Variants in WDR7 observed in about 807,000 individuals in gnomAD.
WDR7 encodes the protein WD repeat-containing protein 7.
Under a neutral mutation model 169.4 loss-of-function variants are expected in WDR7, and 46 were observed. That is an observed-to-expected ratio of 0.27 (90% CI 0.21 to 0.35). WDR7 has a LOEUF of 0.35. Ranked by LOEUF, WDR7 falls within the 10% of genes least tolerant of loss-of-function variation. The probability of loss-of-function intolerance (pLI) is 1.00; values close to 1 mark genes in which losing one functional copy is unlikely to be tolerated. For missense variants in WDR7, 1,534 were observed against 1,859.3 expected (o/e 0.83, Z 3.22); for synonymous variants, 612 against 666.8 (o/e 0.92, Z 1.27).
At chr18:56,944,005 T>TTC (rs1188886773) in intron 25 of WDR7, among the ~76,000 whole-genome samples, 1 of 134,332 alleles carries the variant, frequency 7.4e-6, no homozygotes, top group Non-Finnish European at 1.5e-5. Context: ...TTTTTTTTTT[T>TTC]TTGAGATGGA....
At chr18:56,762,872 T>C (rs1259991087) in intron 16 of WDR7, among the ~76,000 whole-genome samples, 1 of 150,670 alleles carries the variant, frequency 6.6e-6, no homozygotes. Context: ...ATATCTTTTG[T>C]CCAATTTTTC....
chr18:56,855,402 A>T (rs2045704632), intron 20 of WDR7, among the ~76,000 whole-genome samples: 2 of 152,134 alleles, frequency 1.3e-5, no homozygotes, highest in Admixed American at 6.5e-5. Flanking sequence ...TCTTTTGTGT[A>T]GTTGAATTTA....
chr18:56,895,425 C>T (rs1468736110), intron 21 of WDR7, among the ~76,000 whole-genome samples: 2 of 151,626 alleles, frequency 1.3e-5, no homozygotes, highest in East Asian at 1.9e-4. Flanking sequence ...TTCAACTTAC[C>T]CAATTACCAA....
chr18:56,790,665 G>A (rs1258889249), intron 19 of WDR7, among the ~76,000 whole-genome samples: 1 of 151,578 alleles, frequency 6.6e-6, no homozygotes, highest in Non-Finnish European at 1.5e-5. Flanking sequence ...GGGAAGTATG[G>A]TATTTTATAT....
At position 56,748,238 on chromosome 18, in the gene WDR7, G is replaced by T. The variant is rs1599012823; in HGVS notation, c.1990-8345G>T. Among the ~76,000 whole-genome samples the T allele has an allele frequency of 4.6e-5, 7 of 152,114 alleles. No individual in the cohort carries two copies. The South Asian group carries it at 1.0e-3, about 23-fold the overall frequency. On this transcript the variant is annotated intron_variant, in intron 14 of 27. Transcript: ENST00000254442. ...AGGTAGGCAGTCTTTTCTTTATTTG[G>T]AAGATAGAAGGATTGATACTAGGGA... is the stretch of plus-strand genomic sequence containing the variant.
At chr18:56,828,531 G>C (rs553505416) in intron 20 of WDR7, among the ~76,000 whole-genome samples, 1 of 151,904 alleles carries the variant, frequency 6.6e-6, no homozygotes, top group Non-Finnish European at 1.5e-5. Flanking sequence ...TAGACAAGAC[G>C]GATATGGTCC....
intron 20 of WDR7, among the ~76,000 whole-genome samples, chr18:56,874,942 C>CA (rs1226043124): frequency 6.6e-6 from 1 of 152,142 alleles, no homozygotes; most frequent in Non-Finnish European, 1.5e-5. Context: ...TTTTCCCTTA[C>CA]ATACGTTAAG....
At chr18:56,689,020 C>T (rs1944823126) in intron 7 of WDR7, among the ~76,000 whole-genome samples, 1 of 152,132 alleles carries the variant, frequency 6.6e-6, no homozygotes, top group Admixed American at 6.6e-5. Context: ...AACTACGGAA[C>T]ACTCAGCAGG....
At chr18:57,021,464 T>C (rs1427416235) in intron 27 of WDR7, among the ~76,000 whole-genome samples, 1 of 152,230 alleles carries the variant, frequency 6.6e-6, no homozygotes, top group Non-Finnish European at 1.5e-5. Flanking sequence ...TTTATAATTA[T>C]CTCATTTTTC....
chr18:56,771,078 C>T (rs952247471), intron 16 of WDR7, among the ~76,000 whole-genome samples: 4 of 152,118 alleles, frequency 2.6e-5, no homozygotes, highest in African/African-American at 4.8e-5. Flanking sequence ...TCCATATTGC[C>T]CAAGAACTCT....
chr18:56,744,458 G>T (rs2043672712), intron 14 of WDR7, among the ~76,000 whole-genome samples: 1 of 151,928 alleles, frequency 6.6e-6, no homozygotes, highest in Admixed American at 6.6e-5. Context: ...GGAAGGAGGG[G>T]TCTAAGAGCA....
chr18:56,870,785 C>A (rs1337400439), intron 20 of WDR7, among the ~76,000 whole-genome samples: 1 of 152,048 alleles, frequency 6.6e-6, no homozygotes, highest in African/African-American at 2.4e-5. Context: ...CCATGCCCAG[C>A]CTCAATTTGG....
chr18:56,690,696 C>T (rs947713387), intron 7 of WDR7, among the ~76,000 whole-genome samples: 3 of 152,034 alleles, frequency 2.0e-5, no homozygotes, highest in Admixed American at 1.3e-4. Context: ...GTGGCATGCT[C>T]TTACAGTCCC....
At chr18:56,746,490 C>G (rs541053647) in intron 14 of WDR7, among the ~76,000 whole-genome samples, 2 of 152,158 alleles carry the variant, frequency 1.3e-5, no homozygotes, top group African/African-American at 4.8e-5. Context: ...TCCTTCACTT[C>G]TATTTCAGTA....
rs1464122941 is a variant in WDR7, at chr18:56,767,820, A to G, written c.2848+8867A>G. On this transcript the variant is annotated intron_variant, in intron 16 of 27. Coordinates refer to ENST00000254442, the MANE Select transcript of WDR7 (RefSeq NM_015285.3). ...TTAATGTATTCTTAGTAATGGTAGT[A>G]TGATTAGGACACAACCAGCACTTTT... Among the ~76,000 whole-genome samples, 6 of 152,214 alleles carry G rather than the reference A, an allele frequency of 3.9e-5. No individual in the cohort carries two copies. The South Asian group carries it at 8.3e-4, about 21-fold the overall frequency.
At chr18:56,944,114 A>G (rs1434966834) in intron 25 of WDR7, among the ~76,000 whole-genome samples, 1 of 147,636 alleles carries the variant, frequency 6.8e-6, no homozygotes, top group African/African-American at 2.5e-5. Context: ...TCAGCCTCCC[A>G]AGTAGCTGGG....
intron 13 of WDR7, among the ~76,000 whole-genome samples, chr18:56,724,505 C>G (rs1189791959): frequency 1.3e-5 from 2 of 151,152 alleles, no homozygotes; most frequent in Non-Finnish European, 2.9e-5. Context: ...AGCCACCGCT[C>G]CTGGCCATGC....
chr18:56,789,214 A>C (rs569549075), intron 19 of WDR7, among the ~76,000 whole-genome samples: 1 of 152,348 alleles, frequency 6.6e-6, no homozygotes, highest in South Asian at 2.1e-4. Context: ...GGGTTCTTTG[A>C]GTTAACATTT....
intron 26 of WDR7, among the ~76,000 whole-genome samples, chr18:57,001,674 A>G (rs1341286042): frequency 1.3e-5 from 2 of 152,134 alleles, no homozygotes; most frequent in Non-Finnish European, 2.9e-5. Context: ...CATTACCCAA[A>G]AAGTGTCCTT....
Sources: allele counts gnomAD v4.1 joint callset (sites outside exome capture counted in the v4.1 genomes callset), GRCh38; gene constraint gnomAD v4.1.1; transcripts MANE v1.5; gene names NCBI Gene and HGNC (gene_info 2026-07-23, HGNC 2026-07-21).